The following DRC11 variants were observed in gnomAD, a reference collection of about 807,000 sequenced individuals.
DRC11 encodes dynein regulatory complex subunit 11.
the DRC11 span, among the ~76,000 whole-genome samples, chr2:236,405,766 T>A: frequency 1.3e-5 from 2 of 152,186 alleles, no homozygotes; most frequent in Non-Finnish European, 2.9e-5. This position sits in a 1 kb window ranked among gnomAD's most constrained non-coding sequence, Gnocchi z 4.6. Context: ...AACCACTACA[T>A]ACACTATACT....
At chr2:236,319,691 T>C in the DRC11 span, among the ~76,000 whole-genome samples, 1 of 152,184 alleles carries the variant, frequency 6.6e-6, no homozygotes, top group Non-Finnish European at 1.5e-5. The surrounding 1 kb of genome is among the most constrained non-coding windows in gnomAD (Gnocchi z 6.7). Context: ...AAACACTTGC[T>C]GATTGTACCC....
chr2:236,507,163 A>T, the DRC11 span: 1 of 1,324,456 alleles, frequency 7.6e-7, no homozygotes, highest in Non-Finnish European at 1.1e-6. Flanking sequence ...AGGAGAAAAG[A>T]AAAGAAAAAA....
At chr2:236,383,782 T>A in the DRC11 span, among the ~76,000 whole-genome samples, 2 of 152,158 alleles carry the variant, frequency 1.3e-5, no homozygotes, top group Non-Finnish European at 2.9e-5. Context: ...TCATCTAGCA[T>A]TAGGTATATC....
At chr2:236,367,948 C>T in the DRC11 span, 2 of 524,944 alleles carry the variant, frequency 3.8e-6, no homozygotes, top group South Asian at 2.0e-5. The surrounding 1 kb of genome is among the most constrained non-coding windows in gnomAD (Gnocchi z 4.8). Context: ...CAGCTCATTG[C>T]CTGTATGTCC....
At chr2:236,463,038 C>G in the DRC11 span, among the ~76,000 whole-genome samples, 1 of 152,002 alleles carries the variant, frequency 6.6e-6, no homozygotes, top group Non-Finnish European at 1.5e-5. This position sits in a 1 kb window ranked among gnomAD's most constrained non-coding sequence, Gnocchi z 5.0. Flanking sequence ...AGTCTGAGAA[C>G]GATGGTAGCA....
At chr2:236,411,539 T>G in the DRC11 span, among the ~76,000 whole-genome samples, 1 of 152,102 alleles carries the variant, frequency 6.6e-6, no homozygotes, top group East Asian at 1.9e-4. Context: ...AGCCATCCCA[T>G]TACTGGGTAT....
At chr2:236,320,061 T>C in the DRC11 span, among the ~76,000 whole-genome samples, 2 of 152,244 alleles carry the variant, frequency 1.3e-5, no homozygotes, top group Non-Finnish European at 2.9e-5. Flanking sequence ...ATTTGTAGCA[T>C]GAGCCAAAAA....
chr2:236,376,998 T>C, the DRC11 span: 1 of 748,250 alleles, frequency 1.3e-6, no homozygotes, highest in African/African-American at 1.7e-5. The surrounding 1 kb of genome is among the most constrained non-coding windows in gnomAD (Gnocchi z 5.7). Context: ...CGGCCAGGTT[T>C]TGGCTTGAAC....
chr2:236,465,653 C>T, the DRC11 span: 1 of 1,613,730 alleles, frequency 6.2e-7, no homozygotes, highest in Non-Finnish European at 8.5e-7. This position sits in a 1 kb window ranked among gnomAD's most constrained non-coding sequence, Gnocchi z 6.2. Flanking sequence ...CGCAGGCGGT[C>T]CACCTTTTCA....
the DRC11 span, among the ~76,000 whole-genome samples, chr2:236,410,179 GA>G: frequency 2.3e-3 from 345 of 151,746 alleles, 1 homozygote; most frequent in African/African-American, 8.2e-3. Context: ...GTTTCAGAAG[GA>G]ATGGTACCAG....
the DRC11 span, chr2:236,391,962 C>G: frequency 6.2e-7 from 1 of 1,610,534 alleles, no homozygotes; most frequent in Non-Finnish European, 8.5e-7. The surrounding 1 kb of genome is among the most constrained non-coding windows in gnomAD (Gnocchi z 4.5). Context: ...TCTGCAGGCT[C>G]CTTCCCCACT....
the DRC11 span, chr2:236,344,658 G>C: frequency 4.4e-6 from 7 of 1,599,844 alleles, no homozygotes; most frequent in African/African-American, 2.7e-5. Flanking sequence ...AGAGGAAAAG[G>C]CAGGGCCCTG....
chr2:236,403,275 G>A, the DRC11 span, among the ~76,000 whole-genome samples: 6 of 152,248 alleles, frequency 3.9e-5, no homozygotes, highest in East Asian at 1.9e-4. Flanking sequence ...TGAGGACTGC[G>A]TGGGGCTGGG....
the DRC11 span, chr2:236,486,756 C>A: frequency 2.0e-6 from 2 of 1,006,690 alleles, no homozygotes; most frequent in South Asian, 1.5e-5. The surrounding 1 kb of genome is among the most constrained non-coding windows in gnomAD (Gnocchi z 5.7). Flanking sequence ...CAAAAACTCT[C>A]AGAAGAAGAC....
At chr2:236,442,924 T>C in the DRC11 span, among the ~76,000 whole-genome samples, 2 of 151,986 alleles carry the variant, frequency 1.3e-5, no homozygotes, top group Non-Finnish European at 2.9e-5. Context: ...AAGTCCAGAG[T>C]TTGTCAGTTG....
chr2:236,357,781 G>A, the DRC11 span, among the ~76,000 whole-genome samples: 21,547 of 122,906 alleles, frequency 0.18, 2,138 homozygotes, highest in Non-Finnish European at 0.22. Context: ...GTAAATATAT[G>A]TTATATATAC....
At chr2:236,346,312 G>A in the DRC11 span, among the ~76,000 whole-genome samples, 1 of 152,202 alleles carries the variant, frequency 6.6e-6, no homozygotes, top group African/African-American at 2.4e-5. Flanking sequence ...TCCTCCTGGA[G>A]GCCTTAGCAC....
chr2:236,477,787 T>G, the DRC11 span, among the ~76,000 whole-genome samples: 1 of 152,172 alleles, frequency 6.6e-6, no homozygotes, highest in Non-Finnish European at 1.5e-5. Flanking sequence ...TCCAGAAATT[T>G]ATCTGTTTCT....
chr2:236,401,897 A>G, the DRC11 span, among the ~76,000 whole-genome samples: 1 of 152,170 alleles, frequency 6.6e-6, no homozygotes, highest in Non-Finnish European at 1.5e-5. This position sits in a 1 kb window ranked among gnomAD's most constrained non-coding sequence, Gnocchi z 4.6. Flanking sequence ...TGACCAGCAG[A>G]ACCATCATTT....
Sources: allele counts gnomAD v4.1 joint callset (sites outside exome capture counted in the v4.1 genomes callset), GRCh38; gene constraint gnomAD v4.1.1; non-coding constraint Gnocchi (gnomAD v3.1); transcripts MANE v1.5; gene names NCBI Gene and HGNC (gene_info 2026-07-23, HGNC 2026-07-21).